The following KHDRBS2 variants were observed in gnomAD, a reference collection of about 807,000 sequenced individuals.
The protein encoded by KHDRBS2 is KH domain-containing, RNA-binding, signal transduction-associated protein 2.
Under a neutral mutation model 44.3 loss-of-function variants are expected in KHDRBS2, and 26 were observed. That is an observed-to-expected ratio of 0.59 (90% CI 0.43 to 0.81). KHDRBS2 has a LOEUF of 0.81. Among genes scored for constraint, KHDRBS2 ranks in the 40% least tolerant of loss-of-function variants. The probability of loss-of-function intolerance (pLI) is 0.00; values close to 1 mark genes in which losing one functional copy is unlikely to be tolerated. For synonymous variants in KHDRBS2, 194 were observed against 151.1 expected, an observed-to-expected ratio of 1.28 and a Z score of -2.08; for missense variants, 476 against 433.1, an observed-to-expected ratio of 1.10 and a Z score of -0.88.
At chr6:61,548,107 T>C in the KHDRBS2 span, among the ~76,000 whole-genome samples, 1 of 152,144 alleles carries the variant, frequency 6.6e-6, no homozygotes, top group Non-Finnish European at 1.5e-5. Flanking sequence ...AAATGATGAA[T>C]CTAATACTTC....
At chr6:61,715,763 G>A (rs867155303) in intron 7 of KHDRBS2, among the ~76,000 whole-genome samples, 8 of 148,618 alleles carry the variant, frequency 5.4e-5, no homozygotes, top group Middle Eastern at 7.0e-3. Flanking sequence ...CCTTCCTACT[G>A]TGCCTTTGGA....
intron 2 of KHDRBS2, among the ~76,000 whole-genome samples, chr6:62,153,999 T>C (rs1815816038): frequency 6.6e-6 from 1 of 152,192 alleles, no homozygotes. Context: ...GTGTTTGGTT[T>C]CTTTGTTTCA....
intron 2 of KHDRBS2, among the ~76,000 whole-genome samples, chr6:62,120,739 T>C (rs1807427834): frequency 6.6e-6 from 1 of 152,146 alleles, no homozygotes; most frequent in African/African-American, 2.4e-5. Flanking sequence ...ATTATAAAAA[T>C]AGAGAATCAT....
intron 1 of KHDRBS2, among the ~76,000 whole-genome samples, chr6:62,190,333 C>G (rs1824323388): frequency 6.6e-6 from 1 of 152,088 alleles, no homozygotes; most frequent in African/African-American, 2.4e-5. Flanking sequence ...TATGAGAGAA[C>G]AGGTGAAGAG....
At chr6:61,761,308 T>G (rs1490135276) in intron 6 of KHDRBS2, among the ~76,000 whole-genome samples, 2 of 152,228 alleles carry the variant, frequency 1.3e-5, no homozygotes, top group Non-Finnish European at 2.9e-5. Context: ...TTGACTAACA[T>G]GTAAATGTTT....
chr6:61,837,853 T>TA (rs1410089325), intron 6 of KHDRBS2, among the ~76,000 whole-genome samples: 5 of 151,974 alleles, frequency 3.3e-5, no homozygotes, highest in African/African-American at 1.2e-4. Flanking sequence ...CCTGGACAAC[T>TA]ATGAGAGCAA....
At chr6:61,774,586 C>G (rs1465712909) in intron 6 of KHDRBS2, among the ~76,000 whole-genome samples, 2 of 151,918 alleles carry the variant, frequency 1.3e-5, no homozygotes, top group Non-Finnish European at 2.9e-5. Flanking sequence ...ATCCAACTTA[C>G]AAGGGACGAG....
At chr6:61,978,739 T>A (rs1773239072) in intron 3 of KHDRBS2, among the ~76,000 whole-genome samples, 1 of 152,100 alleles carries the variant, frequency 6.6e-6, no homozygotes, top group African/African-American at 2.4e-5. Flanking sequence ...GCCCAGATTA[T>A]CAGCAAGCCT....
At chr6:62,143,819 A>G (rs1481772901) in intron 2 of KHDRBS2, among the ~76,000 whole-genome samples, 1 of 151,938 alleles carries the variant, frequency 6.6e-6, no homozygotes, top group East Asian at 1.9e-4. Flanking sequence ...AAGTTGTCCT[A>G]TATTATGGAT....
the KHDRBS2 span, among the ~76,000 whole-genome samples, chr6:61,545,178 G>A: frequency 6.6e-6 from 1 of 152,036 alleles, no homozygotes; most frequent in South Asian, 2.1e-4. Flanking sequence ...GGGCATGGTG[G>A]TTCATGCCTG....
chr6:61,806,078 C>T lies in KHDRBS2; in HGVS notation c.811-73314G>A, dbSNP rs76588090. ...TTTTATTTTCCAAAGATATTTACAA[C>T]AATATTTCATATCCAACTCATTTTT... On this transcript the variant is annotated intron_variant, in intron 6 of 8. Coordinates refer to ENST00000281156, the MANE Select transcript of KHDRBS2 (RefSeq NM_152688.4). Among the ~76,000 whole-genome samples, 45 of 152,246 alleles carry T rather than the reference C, an allele frequency of 3.0e-4. No individual in the cohort carries two copies. In the East Asian group the frequency reaches 7.7e-3, roughly 26 times the overall value.
At chr6:61,817,346 A>C (rs1789137450) in intron 6 of KHDRBS2, among the ~76,000 whole-genome samples, 1 of 152,060 alleles carries the variant, frequency 6.6e-6, no homozygotes, top group Non-Finnish European at 1.5e-5. Flanking sequence ...TTAGTCCTCC[A>C]TTTGTCACTT....
chr6:61,572,587 C>A, the KHDRBS2 span, among the ~76,000 whole-genome samples: 1 of 152,196 alleles, frequency 6.6e-6, no homozygotes, highest in African/African-American at 2.4e-5. Context: ...TACTAGCTAA[C>A]CAAATCCAAA....
At chr6:61,663,316 G>T in the KHDRBS2 span, among the ~76,000 whole-genome samples, 2 of 143,820 alleles carry the variant, frequency 1.4e-5, no homozygotes, top group Non-Finnish European at 3.0e-5. Flanking sequence ...TGAGTTAATG[G>T]ATGCAGCACA....
the KHDRBS2 span, among the ~76,000 whole-genome samples, chr6:61,613,046 G>T: frequency 6.6e-6 from 1 of 151,874 alleles, no homozygotes; most frequent in Non-Finnish European, 1.5e-5. Context: ...TAGAGACGGG[G>T]TTTCACCATA....
chr6:61,858,938 T>A (rs1424739340), intron 6 of KHDRBS2, among the ~76,000 whole-genome samples: 4 of 151,896 alleles, frequency 2.6e-5, no homozygotes, highest in African/African-American at 9.7e-5. Context: ...TTCATAAATT[T>A]AAAATTACTT....
the KHDRBS2 span, among the ~76,000 whole-genome samples, chr6:61,574,777 C>T: frequency 5.3e-5 from 8 of 151,908 alleles, no homozygotes; most frequent in East Asian, 1.9e-4. Context: ...GGTGTGGTGG[C>T]GGGGGCCCGT....
chr6:62,023,833 C>T (rs181653951), intron 3 of KHDRBS2, among the ~76,000 whole-genome samples: 109 of 150,670 alleles, frequency 7.2e-4, no homozygotes, highest in African/African-American at 2.1e-3. Context: ...CTTAGATATG[C>T]GCAAATAATT....
chr6:62,046,565 T>G (rs527282569), intron 3 of KHDRBS2, among the ~76,000 whole-genome samples: 38 of 151,984 alleles, frequency 2.5e-4, no homozygotes, highest in African/African-American at 8.4e-4. Context: ...GTATGAAGTA[T>G]TTGGGAAATT....
Sources: allele counts gnomAD v4.1 joint callset (sites outside exome capture counted in the v4.1 genomes callset), GRCh38; gene constraint gnomAD v4.1.1; transcripts MANE v1.5; gene names NCBI Gene and HGNC (gene_info 2026-07-23, HGNC 2026-07-21).